Variants in ST18 observed in about 807,000 individuals in gnomAD.
ST18 encodes the protein ST18 C2H2C-type zinc finger transcription factor.
Under a neutral mutation model 110.0 loss-of-function variants are expected in ST18, and 50 were observed. That is an observed-to-expected ratio of 0.45 (90% CI 0.36 to 0.58). The LOEUF (loss-of-function observed/expected upper bound fraction) is 0.58, where lower values mean the gene tolerates loss of function less well. Ranked by LOEUF, ST18 falls within the 20% of genes least tolerant of loss-of-function variation. The pLI is 0.00. For missense variants in ST18, 1,306 were observed against 1,280.1 expected, an observed-to-expected ratio of 1.02 and a Z score of -0.31; for synonymous variants, 461 against 452.4, an observed-to-expected ratio of 1.02 and a Z score of -0.24.
intron 2 of ST18, among the ~76,000 whole-genome samples, chr8:52,312,056 G>A (rs1021148976): frequency 6.6e-6 from 1 of 152,118 alleles, no homozygotes; most frequent in African/African-American, 2.4e-5. Flanking sequence ...AAGACCTCAC[G>A]AGATATGTTA....
intron 2 of ST18, among the ~76,000 whole-genome samples, chr8:52,295,350 T>A (rs2095615785): frequency 6.6e-6 from 1 of 152,194 alleles, no homozygotes; most frequent in Non-Finnish European, 1.5e-5. Context: ...AAGTTCTTCC[T>A]CTAATTTATG....
chr8:52,121,278 A>G (rs2044700749), intron 23 of ST18, among the ~76,000 whole-genome samples: 1 of 152,198 alleles, frequency 6.6e-6, no homozygotes, highest in Non-Finnish European at 1.5e-5. Flanking sequence ...GAGATCTCAA[A>G]AAGGAAACAT....
chr8:52,407,565 G>A (rs1002022278), intron 2 of ST18: 34 of 152,244 alleles, frequency 2.2e-4, no homozygotes, highest in African/African-American at 8.2e-4. Context: ...GATAATCGAA[G>A]TGAAAACATC....
intron 2 of ST18, among the ~76,000 whole-genome samples, chr8:52,343,192 G>A (rs1815969275): frequency 6.6e-6 from 1 of 152,120 alleles, no homozygotes; most frequent in East Asian, 1.9e-4. Context: ...GCAGAGGTGG[G>A]GGTGAGGAGG....
intron 2 of ST18, chr8:52,296,306 C>T (rs938877645): frequency 2.0e-5 from 3 of 152,190 alleles, no homozygotes; most frequent in African/African-American, 7.2e-5. Flanking sequence ...CTGATTTCCA[C>T]AAATGGCATG....
intron 2 of ST18, among the ~76,000 whole-genome samples, chr8:52,362,273 A>T (rs1048073841): frequency 6.6e-6 from 1 of 152,232 alleles, no homozygotes; most frequent in Non-Finnish European, 1.5e-5. Flanking sequence ...AAATAATGTA[A>T]GCTACCATAT....
At position 52,233,097 on chromosome 8, in the gene ST18, T is replaced by A. The variant is rs1182585800; in HGVS notation, c.-464-3020A>T. Among the ~76,000 whole-genome samples the A allele has an allele frequency of 1.3e-5, 2 of 152,122 alleles. 1 individual carries two copies. Among genetic ancestry groups the A allele is most frequent in the Admixed American group, 1.3e-4 (2 of 15,266 alleles). On this transcript the variant is annotated intron_variant, in intron 2 of 25. Coordinates refer to ENST00000689386, the MANE Select transcript of ST18 (RefSeq NM_001352837.2). ...ATCTAAATACAAGAGGATAATAATA[T>A]CACAAATAAAAAAATTTGATTAATA... is the stretch of plus-strand genomic sequence containing the variant.
At chr8:52,164,459 A>G (rs1225883341) in intron 12 of ST18, among the ~76,000 whole-genome samples, 1 of 152,252 alleles carries the variant, frequency 6.6e-6, no homozygotes, top group African/African-American at 2.4e-5. Context: ...CATCTTTAGA[A>G]AAATTTTAGG....
chr8:52,162,475 T>A (rs2061713698), intron 13 of ST18, among the ~76,000 whole-genome samples: 1 of 152,178 alleles, frequency 6.6e-6, no homozygotes, highest in African/African-American at 2.4e-5. Context: ...TTCCTGGGCT[T>A]TTCACCTTTT....
intron 19 of ST18, among the ~76,000 whole-genome samples, chr8:52,134,076 C>T (rs904515639): frequency 2.6e-5 from 4 of 152,096 alleles, no homozygotes; most frequent in South Asian, 2.1e-4. Context: ...ATATGCTGTG[C>T]GACTATGATA....
chr8:52,394,641 A>G (rs1453722086), intron 2 of ST18, among the ~76,000 whole-genome samples: 1 of 152,216 alleles, frequency 6.6e-6, no homozygotes, highest in Admixed American at 6.5e-5. Flanking sequence ...ATGGTGTGGG[A>G]AGGGAAGTTA....
At chr8:52,278,230 C>T (rs942582497) in intron 2 of ST18, among the ~76,000 whole-genome samples, 1 of 152,110 alleles carries the variant, frequency 6.6e-6, no homozygotes, top group Non-Finnish European at 1.5e-5. Context: ...TGACATCATA[C>T]GTTCTGGGAA....
At chr8:52,308,525 C>T (rs550266757) in intron 2 of ST18, among the ~76,000 whole-genome samples, 1 of 152,326 alleles carries the variant, frequency 6.6e-6, no homozygotes, top group Admixed American at 6.5e-5. Flanking sequence ...CCTGTGTTCT[C>T]TCCATTCTGC....
chr8:52,236,780 A>G (rs1229423106), intron 2 of ST18, among the ~76,000 whole-genome samples: 1 of 152,210 alleles, frequency 6.6e-6, no homozygotes, highest in African/African-American at 2.4e-5. Flanking sequence ...GATAGACTGG[A>G]TAGACCATTG....
chr8:52,268,557 T>C (rs1471497241), intron 2 of ST18, among the ~76,000 whole-genome samples: 1 of 152,176 alleles, frequency 6.6e-6, no homozygotes, highest in African/African-American at 2.4e-5. Flanking sequence ...TATTTATCTA[T>C]CTATCATCTA....
chr8:52,291,829 C>T (rs2095560274), intron 2 of ST18, among the ~76,000 whole-genome samples: 1 of 152,012 alleles, frequency 6.6e-6, no homozygotes, highest in South Asian at 2.1e-4. Flanking sequence ...GGCAGGAGTG[C>T]CGTGGCAAGA....
At chr8:52,147,218 C>T (rs1204867264) in intron 16 of ST18, among the ~76,000 whole-genome samples, 1 of 151,852 alleles carries the variant, frequency 6.6e-6, no homozygotes, top group Non-Finnish European at 1.5e-5. Flanking sequence ...AAACACTGTC[C>T]CAGATATATA....
chr8:52,126,008 C>A (rs752016527), intron 23 of ST18, 44 bp downstream of exon 23: 1 of 1,538,200 alleles, frequency 6.5e-7, no homozygotes, highest in Admixed American at 1.7e-5. Context: ...GAGCCAGGGT[C>A]TACACCCTGC....
chr8:52,209,997 T>A, intron 8 of ST18: 1 of 452,084 alleles, frequency 2.2e-6, no homozygotes, highest in Non-Finnish European at 4.4e-6. Flanking sequence ...AAGATTCTCT[T>A]GAGTAAAAGT....
Sources: gnomAD v4.1 joint callset for allele counts (sites outside exome capture counted in the v4.1 genomes callset) on GRCh38, gnomAD v4.1.1 for gene constraint, MANE v1.5 for transcripts, NCBI Gene and HGNC (gene_info 2026-07-23, HGNC 2026-07-21) for gene names.